The following SMARCA2 variants were observed in gnomAD, a reference collection of about 807,000 sequenced individuals.
SMARCA2 encodes SWI/SNF related BAF chromatin remodeling complex subunit ATPase 2, also known as SWI/SNF-related matrix-associated actin-dependent regulator of chromatin subfamily A member 2.
Under a neutral mutation model 199.8 loss-of-function variants are expected in SMARCA2, and 61 were observed. The observed-to-expected ratio is 0.31, with a 90% confidence interval of 0.25 to 0.38. The LOEUF is 0.38. SMARCA2 is among the 10% of genes least tolerant of loss of function. The pLI, the probability that SMARCA2 is intolerant of heterozygous loss-of-function variation, is 1.00. For synonymous variants in SMARCA2, 935 were observed against 732.0 expected (o/e 1.28, Z -4.48); for missense variants, 1,344 against 2,012.2 (o/e 0.67, Z 6.35).
chr9:2,186,666 C>T (rs893224516), intron 32 of SMARCA2, among the ~76,000 whole-genome samples: 1 of 152,146 alleles, frequency 6.6e-6, no homozygotes, highest in Non-Finnish European at 1.5e-5. Flanking sequence ...GCTGGAATTA[C>T]AGGCGTGTGC....
Position 2,104,336 on chromosome 9 carries a change from A to C in SMARCA2, c.3292+167A>C, listed in dbSNP as rs1048137653. 1.3e-5 allele frequency among the ~76,000 whole-genome samples: 2 copies of C among 152,178 alleles called. No individual in the cohort carries two copies. Among genetic ancestry groups the C allele is most frequent in the African/African-American group, 4.8e-5 (2 of 41,440 alleles). ...CAATTTTTTGCATCCTTAAGCTTTA[A>C]ATAAGCTGACCTCATTTGTGCAGCT... On this transcript the variant is annotated intron_variant, in intron 23 of 33. Coordinates refer to ENST00000349721, the MANE Select transcript of SMARCA2 (RefSeq NM_003070.5). The surrounding 1 kb of genome is among the most constrained non-coding windows in gnomAD (Gnocchi z 4.0).
chr9:2,109,715 T>C (rs1197181983), intron 23 of SMARCA2, among the ~76,000 whole-genome samples: 1 of 152,208 alleles, frequency 6.6e-6, no homozygotes, highest in Non-Finnish European at 1.5e-5. Flanking sequence ...ATTACATTCA[T>C]AATTTATGTT....
chr9:2,094,868 A>G lies in SMARCA2; in HGVS notation c.2884-1789A>G, dbSNP rs577304935. On this transcript the variant is annotated intron_variant, in intron 19 of 33. Coordinates refer to ENST00000349721, the MANE Select transcript of SMARCA2 (RefSeq NM_003070.5). ...TTTACCATTATACTTGTTAAAGTCT[A>G]AAGTTGTTCAGCGTTTTTCTTTACC... Among the ~76,000 whole-genome samples, 8 of 152,276 alleles carry G rather than the reference A, an allele frequency of 5.3e-5. No individual in the cohort carries two copies. In the South Asian group the frequency reaches 8.3e-4, roughly 16 times the overall value.
At position 2,086,671 on chromosome 9, in the gene SMARCA2, G is replaced by C. The variant is rs185404643; in HGVS notation, c.2527-158G>C. ...TAGGATGTCTTATGCGGCCTATCAG[G>C]CATGAGACATTGTTGAGATTCCCTT... On this transcript the variant is annotated intron_variant, in intron 17 of 33. Transcript: ENST00000349721. This position sits in a 1 kb window ranked among gnomAD's most constrained non-coding sequence, Gnocchi z 4.3. Among the ~76,000 whole-genome samples the C allele has an allele frequency of 6.6e-6, 1 of 152,274 alleles. No individual in the cohort carries two copies. The highest frequency in any genetic ancestry group is 1.9e-4 in the East Asian group (1 of 5,194).
chr9:2,077,626 C>A lies in SMARCA2; in HGVS notation c.2037-3C>A. On this transcript the variant is annotated splice_region_variant and splice_polypyrimidine_tract_variant and intron_variant, in intron 13 of 33. Coordinates refer to ENST00000349721, the MANE Select transcript of SMARCA2 (RefSeq NM_003070.5). ...TGTGATTCTCCACTTTTTCCTTTCC[C>A]AGGACAGCTAAGCAAGACGTGGATG... 1 of 1,612,844 alleles carries A rather than the reference C, an allele frequency of 6.2e-7. No homozygotes were observed. Among genetic ancestry groups the A allele is most frequent in the South Asian group, 1.1e-5 (1 of 90,962 alleles).
At chr9:2,164,228 A>G (rs1487990312) in intron 28 of SMARCA2, among the ~76,000 whole-genome samples, 1 of 152,200 alleles carries the variant, frequency 6.6e-6, no homozygotes, top group East Asian at 1.9e-4. Context: ...CCTGGTATAC[A>G]TGGCTGTGGG....
intron 9 of SMARCA2, among the ~76,000 whole-genome samples, chr9:2,070,199 T>G (rs1821030257): frequency 6.6e-6 from 1 of 152,226 alleles, no homozygotes; most frequent in African/African-American, 2.4e-5. Context: ...TGTGCTGGCC[T>G]CAGATCACAT....
intron 14 of SMARCA2, chr9:2,080,297 A>T (rs1028544134): frequency 6.6e-6 from 1 of 152,166 alleles, no homozygotes; most frequent in African/African-American, 2.4e-5. Context: ...CCCCTGGCCA[A>T]TTCTGCCAGT....
chr9:2,105,319 T>A (rs1822704210), intron 23 of SMARCA2, among the ~76,000 whole-genome samples: 1 of 152,090 alleles, frequency 6.6e-6, no homozygotes, highest in Non-Finnish European at 1.5e-5. Flanking sequence ...GATCTCAGCT[T>A]ACTGCAACTT....
At chr9:2,182,476 G>GTT (rs1827107406) in intron 31 of SMARCA2, among the ~76,000 whole-genome samples, 1 of 89,668 alleles carries the variant, frequency 1.1e-5, no homozygotes, top group African/African-American at 4.3e-5. Flanking sequence ...AAAGCTTATA[G>GTT]TCTTTTTTTT....
At chr9:2,165,965 G>A (rs930882518) in intron 28 of SMARCA2, among the ~76,000 whole-genome samples, 4 of 152,194 alleles carry the variant, frequency 2.6e-5, no homozygotes, top group Non-Finnish European at 5.9e-5. Context: ...ACACTGCAGT[G>A]TGAGCTCCCT....
chr9:2,044,586 A>G (rs1819754586), intron 4 of SMARCA2: 1 of 152,204 alleles, frequency 6.6e-6, no homozygotes, highest in East Asian at 1.9e-4. Flanking sequence ...TATCTCACTG[A>G]ATCTTCACCG....
At chr9:2,157,598 G>T (rs1030768584) in intron 27 of SMARCA2, 2 of 306,760 alleles carry the variant, frequency 6.5e-6, no homozygotes, top group Non-Finnish European at 1.2e-5. Flanking sequence ...TCCATGCCTT[G>T]TCTGGATATC....
chr9:2,168,187 T>A (rs1254384478), intron 28 of SMARCA2, among the ~76,000 whole-genome samples: 2 of 152,062 alleles, frequency 1.3e-5, no homozygotes, highest in Admixed American at 1.3e-4. Context: ...AATTTTGTAT[T>A]TTTGGTAGAG....
At chr9:2,157,684 G>A (rs1450805711) in intron 27 of SMARCA2, 1 of 381,362 alleles carries the variant, frequency 2.6e-6, no homozygotes, top group African/African-American at 2.1e-5. Flanking sequence ...GGTGGACTTG[G>A]AGAGGCGGAG....
chr9:2,172,821 C>G (rs938530606), intron 29 of SMARCA2, among the ~76,000 whole-genome samples: 1 of 151,358 alleles, frequency 6.6e-6, no homozygotes, highest in African/African-American at 2.4e-5. Context: ...AGGGAGCCGA[C>G]ATCAGCCCTG....
intron 3 of SMARCA2, among the ~76,000 whole-genome samples, chr9:2,038,162 G>T (rs1196422141): frequency 6.6e-6 from 1 of 152,062 alleles, no homozygotes; most frequent in Non-Finnish European, 1.5e-5. Context: ...TCATGGAAAG[G>T]GCATATGCAT....
chr9:2,147,092 C>G (rs1586753967), intron 27 of SMARCA2, among the ~76,000 whole-genome samples: 1 of 152,228 alleles, frequency 6.6e-6, no homozygotes. Context: ...AATTGATAGA[C>G]TGAGGAGAAT....
At position 2,104,068 on chromosome 9, in the gene SMARCA2, C is replaced by T. The variant is rs747313863; in HGVS notation, c.3191C>T (p.Ala1064Val). Residue 1064 changes from alanine to valine, a missense_variant, in exon 23 of 34, where the codon GCG (alanine) becomes GTG (valine). Transcript: ENST00000349721. The surrounding 1 kb of genome is among the most constrained non-coding windows in gnomAD (Gnocchi z 4.0). ...GATCGTATTCTGCCAAAATTGAGAG[C>T]GACTAATCACCGAGTGCTGCTTTTC... ...LLDRILPKLRATNHRVLLFCQ... is the reference protein window; with the variant it reads ...LLDRILPKLRVTNHRVLLFCQ... The T allele has an allele frequency of 1.7e-5, 27 of 1,613,948 alleles. No homozygotes were observed. The highest frequency in any genetic ancestry group is 3.3e-4 in the Middle Eastern group (2 of 6,062).
Sources: allele counts gnomAD v4.1 joint callset (sites outside exome capture counted in the v4.1 genomes callset), GRCh38; gene constraint gnomAD v4.1.1; non-coding constraint Gnocchi (gnomAD v3.1); transcripts MANE v1.5; gene names NCBI Gene and HGNC (gene_info 2026-07-23, HGNC 2026-07-21).